COBLL1: variants seen among roughly 807,000 people sequenced by gnomAD.
The protein encoded by COBLL1 is cordon-bleu protein-like 1.
COBLL1 carries 50 observed loss-of-function variants against 94.8 expected under a neutral mutation model. The ratio of observed to expected loss-of-function variants is 0.53; its 90% CI spans 0.42 to 0.67. The LOEUF is 0.67. Ranked by LOEUF, COBLL1 falls within the 30% of genes least tolerant of loss-of-function variation. The pLI is 0.00. For missense variants in COBLL1, 1,362 were observed against 1,348.7 expected, an observed-to-expected ratio of 1.01 and a Z score of -0.15; for synonymous variants, 448 against 473.8, an observed-to-expected ratio of 0.95 and a Z score of 0.71.
chr2:164,741,316 T>G (rs1686582583), intron 3 of COBLL1, among the ~76,000 whole-genome samples: 1 of 151,656 alleles, frequency 6.6e-6, no homozygotes, highest in African/African-American at 2.4e-5. Flanking sequence ...AGGAGAGTGG[T>G]GGTGAAGGAA....
At chr2:164,737,370 T>TG (rs1392271309) in intron 3 of COBLL1, among the ~76,000 whole-genome samples, 1 of 151,956 alleles carries the variant, frequency 6.6e-6, no homozygotes, top group Non-Finnish European at 1.5e-5. Flanking sequence ...CTCAGAGCCA[T>TG]GGGGGACATG....
intron 2 of COBLL1, among the ~76,000 whole-genome samples, chr2:164,800,367 A>C (rs1447739763): frequency 1.3e-5 from 2 of 152,206 alleles, no homozygotes; most frequent in African/African-American, 2.4e-5. Context: ...TAAGAACAAA[A>C]TGAGATCTCA....
chr2:164,775,449 G>GTTTGT (rs747209477), intron 2 of COBLL1, among the ~76,000 whole-genome samples: 32 of 152,046 alleles, frequency 2.1e-4, no homozygotes, highest in Non-Finnish European at 2.6e-4. Context: ...CCTGCTGGTA[G>GTTTGT]TTTGTTTTGT....
rs184333800 is a variant in COBLL1, at chr2:164,780,202, G to A, written c.42-36327C>T. ...CTCCTAGATCCACATCTGTAAAATG[G>A]GGTAGTAATAACCGCCACTAAGGGG... is the stretch of plus-strand genomic sequence containing the variant. On this transcript the variant is annotated intron_variant, in intron 2 of 13. Transcript: ENST00000652658. 2.6e-5 allele frequency among the ~76,000 whole-genome samples: 4 copies of A among 152,088 alleles called. No homozygotes were observed. The East Asian group carries it at 7.8e-4, about 29-fold the overall frequency.
At chr2:164,704,165 T>C (rs951730802) in intron 9 of COBLL1, among the ~76,000 whole-genome samples, 8 of 152,118 alleles carry the variant, frequency 5.3e-5, no homozygotes, top group African/African-American at 1.9e-4. Context: ...TAATAAATGT[T>C]AACCTGATAC....
At chr2:164,840,766 G>A in intron 2 of COBLL1, 1 of 176,424 alleles carries the variant, frequency 5.7e-6, no homozygotes, top group South Asian at 2.0e-4. Flanking sequence ...ACCTGCCTGG[G>A]CCTCAGCCCA....
intron 7 of COBLL1, among the ~76,000 whole-genome samples, chr2:164,717,159 G>GA (rs946359110): frequency 3.3e-5 from 5 of 151,678 alleles, no homozygotes; most frequent in South Asian, 2.1e-4. Flanking sequence ...GTGCTTTGGA[G>GA]AAAAAAAATG....
At chr2:164,833,264 G>C (rs1683163514) in intron 2 of COBLL1, among the ~76,000 whole-genome samples, 1 of 151,990 alleles carries the variant, frequency 6.6e-6, no homozygotes, top group African/African-American at 2.4e-5. Flanking sequence ...TGAGGCGAGA[G>C]GATCACTTCA....
chr2:164,752,262 A>G (rs1017711856), intron 2 of COBLL1, among the ~76,000 whole-genome samples: 13 of 152,184 alleles, frequency 8.5e-5, no homozygotes, highest in African/African-American at 3.1e-4. Flanking sequence ...TCCACATTCC[A>G]GATGAGGGTG....
rs1337906066 is a variant in COBLL1, at chr2:164,703,942, T to C, written c.1225+502A>G. ...ATGTAACTTGTAATGGAATTTTGTTTGGAAAGAATCCTAGAGGAGAGCCAT... is the reference window on the plus strand; with the variant it reads ...ATGTAACTTGTAATGGAATTTTGTTCGGAAAGAATCCTAGAGGAGAGCCAT... On this transcript the variant is annotated intron_variant, in intron 9 of 13. Coordinates refer to ENST00000652658, the MANE Select transcript of COBLL1 (RefSeq NM_001365672.2). 2.6e-5 allele frequency among the ~76,000 whole-genome samples: 4 copies of C among 152,194 alleles called. No homozygotes were observed. In the East Asian group the frequency reaches 7.7e-4, roughly 29 times the overall value.
rs1300487592 is a variant in COBLL1 at position 164,695,130 on chromosome 2, C to A, written c.2262G>T (p.Glu754Asp). 6.2e-7 allele frequency: 1 copy of A among 1,613,856 alleles called. No homozygotes were observed. The highest frequency in any genetic ancestry group is 1.7e-5 in the Admixed American group (1 of 59,992). Reference protein sequence around the residue: ...ISKDWQSETIEYKDDQDMHAL... With the variant: ...ISKDWQSETIDYKDDQDMHAL... ...CATGCATGTCCTGATCATCTTTATA[C>A]TCTATGGTTTCTGATTGCCAGTCTT... is the stretch of plus-strand genomic sequence containing the variant. Residue 754 changes from glutamate (E) to aspartate (D), a missense_variant, in exon 12 of 14, where the codon GAG (glutamate) becomes GAT (aspartate). Glu to Asp is a conservative substitution (Grantham distance 45). Transcript: ENST00000652658.
chr2:164,762,362 T>C lies in COBLL1; in HGVS notation c.42-18487A>G, dbSNP rs116400753. On this transcript the variant is annotated intron_variant, in intron 2 of 13. Transcript: ENST00000652658. ...CTATGACAACTCAAAGTACTTTCAATGTAAGTTTGGCCAGTAGTAGCATCT... is the reference window on the plus strand; with the variant it reads ...CTATGACAACTCAAAGTACTTTCAACGTAAGTTTGGCCAGTAGTAGCATCT... Among the ~76,000 whole-genome samples, 613 of 152,312 alleles carry C rather than the reference T, an allele frequency of 4.0e-3. 2 individuals carry two copies. The highest frequency in any genetic ancestry group is 0.014 in the African/African-American group (592 of 41,570).
chr2:164,841,242 C>T lies in COBLL1; in HGVS notation c.-46G>A. The T allele has an allele frequency of 8.1e-7, 1 of 1,228,848 alleles. No individual in the cohort carries two copies. Among genetic ancestry groups the T allele is most frequent in the Non-Finnish European group, 1.0e-6 (1 of 986,824 alleles). 76.1% of individuals were successfully genotyped at this position (1,228,848 alleles called of 1,614,324 possible). ...GGGCTCCAGCTCCCAGGCGGCGCGT[C>T]ACTGCTGGGGTGGGAGAGGCCGGCG... On this transcript the variant is annotated 5_prime_UTR_variant, in exon 2 of 14. Coordinates refer to ENST00000652658, the MANE Select transcript of COBLL1 (RefSeq NM_001365672.2). The surrounding 1 kb of genome is among the most constrained non-coding windows in gnomAD (Gnocchi z 5.5).
intron 2 of COBLL1, among the ~76,000 whole-genome samples, chr2:164,818,630 G>T (rs190650276): frequency 7.1e-6 from 1 of 140,892 alleles, no homozygotes; most frequent in Non-Finnish European, 1.6e-5. Context: ...CATATATGGC[G>T]TATATGTACA....
intron 5 of COBLL1, chr2:164,724,482 G>T (rs1558955425): frequency 6.6e-6 from 1 of 151,970 alleles, no homozygotes; most frequent in Non-Finnish European, 1.5e-5. Context: ...TCTGAACACG[G>T]GAAGCTATAA....
At chr2:164,679,167 A>C (rs1682929109), downstream of COBLL1, among the ~76,000 whole-genome samples, 1 of 152,048 alleles carries the variant, frequency 6.6e-6, no homozygotes, top group African/African-American at 2.4e-5. Context: ...GTCTCCTCTG[A>C]CTTTGATTCT....
At chr2:164,661,553 T>C (rs1251592245) in intron 2 of COBLL1, among the ~76,000 whole-genome samples, 3 of 152,148 alleles carry the variant, frequency 2.0e-5, no homozygotes, top group African/African-American at 7.2e-5. Flanking sequence ...ATGATGTAAT[T>C]TAGTGGTGGA....
chr2:164,754,705 C>T (rs184967297), intron 2 of COBLL1, among the ~76,000 whole-genome samples: 1 of 152,356 alleles, frequency 6.6e-6, no homozygotes, highest in African/African-American at 2.4e-5. Context: ...TAGAGCACAT[C>T]GTCTTTGCAA....
At chr2:164,658,788 C>T (rs1691023601) in intron 2 of COBLL1, among the ~76,000 whole-genome samples, 1 of 152,162 alleles carries the variant, frequency 6.6e-6, no homozygotes, top group Non-Finnish European at 1.5e-5. Flanking sequence ...ACTGTGTCCT[C>T]ATGAGGTTCC....
Sources: gnomAD v4.1 joint callset for allele counts (sites outside exome capture counted in the v4.1 genomes callset) on GRCh38, gnomAD v4.1.1 for gene constraint, Gnocchi (gnomAD v3.1) non-coding constraint, MANE v1.5 for transcripts, NCBI Gene and HGNC (gene_info 2026-07-23, HGNC 2026-07-21) for gene names.